FASTKD5: variants seen among roughly 807,000 people sequenced by gnomAD.
FASTKD5 encodes FAST kinase domains 5.
A neutral mutation model predicts 44.0 loss-of-function variants in FASTKD5; 30 were observed. The ratio of observed to expected loss-of-function variants is 0.68; its 90% CI spans 0.51 to 0.93. The LOEUF (loss-of-function observed/expected upper bound fraction) is 0.93, where lower values mean the gene tolerates loss of function less well. Ranked by LOEUF, FASTKD5 falls within the 40% of genes least tolerant of loss-of-function variation. FASTKD5 has a pLI of 0.00. For synonymous variants in FASTKD5, 335 were observed against 342.2 expected (o/e 0.98, Z 0.23); for missense variants, 868 against 908.2 (o/e 0.96, Z 0.57).
rs561643989 is a variant in FASTKD5 at position 3,159,128 on chromosome 20, G to A, written c.-191+638C>T. On this transcript the variant is annotated intron_variant, in intron 1 of 1. Coordinates refer to ENST00000380266, the MANE Select transcript of FASTKD5 (RefSeq NM_021826.5). ...CACGGTTTGCACAGAAAGAGAAAGA[G>A]CAACTATTCTTACCCACGGAAAGAA... Among the ~76,000 whole-genome samples the A allele has an allele frequency of 1.3e-5, 2 of 152,284 alleles. 1 individual carries two copies. Among genetic ancestry groups the A allele is most frequent in the African/African-American group, 4.8e-5 (2 of 41,542 alleles).
chr20:3,147,620 T>C lies in FASTKD5; in HGVS notation c.1451A>G (p.Tyr484Cys). 6.2e-7 allele frequency: 1 copy of C among 1,614,216 alleles called. No homozygotes were observed. The highest frequency in any genetic ancestry group is 2.2e-5 in the East Asian group (1 of 44,892). ...GAAATCAATTAACTCTACTGGAAAGTACTCCAAAAATGCCAGGCCCAGCAG... is the reference window on the plus strand; with the variant it reads ...GAAATCAATTAACTCTACTGGAAAGCACTCCAAAAATGCCAGGCCCAGCAG... ...TCLLGLAFLEYFPVELIDFAL... is the reference protein window; with the variant it reads ...TCLLGLAFLECFPVELIDFAL... Residue 484 changes from tyrosine to cysteine, a missense_variant, in exon 2 of 2, where the codon TAC becomes TGC. Physicochemically the swap from Tyr to Cys is radical, Grantham distance 194. Transcript: ENST00000380266.
Position 3,147,373 on chromosome 20 carries a change from C to T in FASTKD5, c.1698G>A (p.Leu566=). The T allele has an allele frequency of 1.2e-6, 2 of 1,614,188 alleles. No individual in the cohort carries two copies. Among genetic ancestry groups the T allele is most frequent in the Non-Finnish European group, 8.5e-7 (1 of 1,180,040 alleles). ...ACTGGGGCCCCCCCAGCATGGTCTC[C>T]AGTAAAAAGACAGTTTCTAAGAATT... ...KPEFLETVFL[L]ETMLGGPQYV... Residue 566 remains leucine (L), a synonymous_variant, in exon 2 of 2, where the codon CTG becomes CTA. Coordinates refer to ENST00000380266, the MANE Select transcript of FASTKD5 (RefSeq NM_021826.5).
rs186856060 is a variant in FASTKD5 at position 3,158,631 on chromosome 20, C to T, written c.-191+1135G>A. On this transcript the variant is annotated intron_variant, in intron 1 of 1. Coordinates refer to ENST00000380266, the MANE Select transcript of FASTKD5 (RefSeq NM_021826.5). Reference sequence around the variant, plus strand: ...CTGGGACTACAGGCGCCCGCCACCACGCCCAGCTATTTTTTTGTATTTTTA... The same window carrying T: ...CTGGGACTACAGGCGCCCGCCACCATGCCCAGCTATTTTTTTGTATTTTTA... Among the ~76,000 whole-genome samples the T allele has an allele frequency of 6.8e-3, 1,029 of 152,278 alleles. 9 individuals are homozygous for T. The highest frequency in any genetic ancestry group is 0.011 in the Non-Finnish European group (719 of 68,022).
In FASTKD5 at chr20:3,148,312, G is replaced by C; in HGVS notation, c.759C>G (p.Tyr253Ter). Reference sequence around the variant, plus strand: ...AAAACCTAGGTACTTTGCGGCCTAAGTACCTCCAGAGATCAGCCACCAAAA... The same window carrying C: ...AAAACCTAGGTACTTTGCGGCCTAACTACCTCCAGAGATCAGCCACCAAAA... ...QLLLVADLWR[Y>*]LGRKVPRFLN... The change falls in exon 2 of 2, where the codon TAC becomes TAG. Residue 253 changes from tyrosine to a stop codon, truncating the protein, a stop_gained. Coordinates refer to ENST00000380266, the MANE Select transcript of FASTKD5 (RefSeq NM_021826.5). LOFTEE classifies it high-confidence loss of function. The C allele has an allele frequency of 1.2e-6, 2 of 1,613,790 alleles. No individual in the cohort carries two copies. Among genetic ancestry groups the C allele is most frequent in the Non-Finnish European group, 1.7e-6 (2 of 1,179,972 alleles).
Position 3,146,711 on chromosome 20 carries a change from C to T in FASTKD5, c.*65G>A. On this transcript the variant is annotated 3_prime_UTR_variant, in exon 2 of 2. Transcript: ENST00000380266. ...AAACTTACATTCTGGCTTTTATAAT[C>T]ATTTTGCAACACCTGGTACAGTATA... 6.6e-7 allele frequency: 1 copy of T among 1,515,098 alleles called. No individual in the cohort carries two copies. The highest frequency in any genetic ancestry group is 8.9e-7 in the Non-Finnish European group (1 of 1,129,328). The allele number at this position is 1,515,098 out of a possible 1,614,324, so 93.9% of individuals were successfully genotyped here.
At position 3,148,650 on chromosome 20, in the gene FASTKD5, C is replaced by T; in HGVS notation, c.421G>A (p.Val141Ile). 1 of 1,614,168 alleles carries T rather than the reference C, an allele frequency of 6.2e-7. No individual in the cohort carries two copies. Among genetic ancestry groups the T allele is most frequent in the South Asian group, 1.1e-5 (1 of 91,082 alleles). Reference protein sequence around the residue: ...NASETSQLLSVSEGELILHKV... With the variant: ...NASETSQLLSISEGELILHKV... ...TGCAAAATTAGTTCACCTTCTGAAA[C>T]AGACAGGAGCTGAGAAGTCTCAGAT... The change falls in exon 2 of 2, where the codon GTT (valine) becomes ATT (isoleucine). Residue 141 changes from valine (V) to isoleucine (I), a missense_variant. Transcript: ENST00000380266.
intron 1 of FASTKD5, among the ~76,000 whole-genome samples, chr20:3,155,103 G>C (rs923673937): frequency 6.6e-6 from 1 of 150,682 alleles, no homozygotes; most frequent in African/African-American, 2.4e-5. Flanking sequence ...AATAAATATA[G>C]TGATGGCCAG....
At chr20:3,155,317 G>T (rs755619314) in intron 1 of FASTKD5, among the ~76,000 whole-genome samples, 5 of 152,156 alleles carry the variant, frequency 3.3e-5, no homozygotes, top group Non-Finnish European at 7.3e-5. Flanking sequence ...ATCACCTGAG[G>T]TCAGGAGTTT....
At chr20:3,154,349 T>C (rs1017604032) in intron 1 of FASTKD5, among the ~76,000 whole-genome samples, 1 of 152,180 alleles carries the variant, frequency 6.6e-6, no homozygotes, top group Non-Finnish European at 1.5e-5. Context: ...ACAAAAATTA[T>C]TAATGCCAGG....
At chr20:3,156,680 T>G (rs2066689737) in intron 1 of FASTKD5, 1 of 152,278 alleles carries the variant, frequency 6.6e-6, no homozygotes, top group Non-Finnish European at 1.5e-5. Context: ...CTGAAGAATC[T>G]TACCTTTCTC....
chr20:3,158,621 C>T (rs1390787635), intron 1 of FASTKD5, among the ~76,000 whole-genome samples: 1 of 152,136 alleles, frequency 6.6e-6, no homozygotes, highest in South Asian at 2.1e-4. Context: ...ACTACAGGCG[C>T]CCGCCACCAC....
rs1246657987 is a variant in FASTKD5 at position 3,149,943 on chromosome 20, C to T, written c.-190-683G>A. 1.3e-5 allele frequency among the ~76,000 whole-genome samples: 2 copies of T among 150,628 alleles called. No homozygotes were observed. Among genetic ancestry groups the T allele is most frequent in the Non-Finnish European group, 2.9e-5 (2 of 67,872 alleles). On this transcript the variant is annotated intron_variant, in intron 1 of 1. Coordinates refer to ENST00000380266, the MANE Select transcript of FASTKD5 (RefSeq NM_021826.5). This position sits in a 1 kb window ranked among gnomAD's most constrained non-coding sequence, Gnocchi z 4.1. Reference sequence around the variant, plus strand: ...CTGAGGCAGGAGAATCCCTTGAACCCAGGAGGCAGAGGTTGCGGTGAGCCA... The same window carrying T: ...CTGAGGCAGGAGAATCCCTTGAACCTAGGAGGCAGAGGTTGCGGTGAGCCA...
intron 1 of FASTKD5, among the ~76,000 whole-genome samples, chr20:3,155,117 CAGTG>C (rs372400699): frequency 1.3e-5 from 2 of 151,300 alleles, no homozygotes; most frequent in African/African-American, 4.9e-5. Flanking sequence ...TGGCCAGGAT[CAGTG>C]AGTGGCTCAC....
chr20:3,148,981 G>A lies in FASTKD5; in HGVS notation c.90C>T (p.Tyr30=), dbSNP rs143442390. 6.8e-6 allele frequency: 11 copies of A among 1,614,082 alleles called. No individual in the cohort carries two copies. The African/African-American group carries it at 1.5e-4, about 22-fold the overall frequency. The change falls in exon 2 of 2, where the codon TAC becomes TAT. Residue 30 remains tyrosine, a synonymous_variant. Transcript: ENST00000380266. ...SAFGAVRSVS[Y]WNVSSTQHGG... The stretch of plus-strand genomic sequence containing the variant: ...CATGCTGTGTGCTGCTCACATTCCA[G>A]TATGACACACTTCGGACTGCACCAA...
chr20:3,155,989 T>C (rs1018015324), intron 1 of FASTKD5, among the ~76,000 whole-genome samples: 2 of 152,192 alleles, frequency 1.3e-5, no homozygotes, highest in African/African-American at 4.8e-5. Context: ...ACAAGGAAGA[T>C]ACAGAAGCAG....
rs2066672248 is a variant in FASTKD5 at position 3,155,227 on chromosome 20, C to A, written c.-191+4539G>T. Among the ~76,000 whole-genome samples the A allele has an allele frequency of 2.0e-5, 3 of 151,956 alleles. No homozygotes were observed. In the South Asian group the frequency reaches 6.3e-4, roughly 32 times the overall value. On this transcript the variant is annotated intron_variant, in intron 1 of 1. Transcript: ENST00000380266. ...TGGGTAACATGGTGAAACCCTGTCT[C>A]TACTAAAAATACAAAAAGTAGGCTG...
chr20:3,150,389 CTTAGCAATGTTTCCAGTGAGTCT>C (rs889631136), intron 1 of FASTKD5: 6 of 152,176 alleles, frequency 3.9e-5, no homozygotes, highest in Non-Finnish European at 8.8e-5. Context: ...GAGAAGGCAG[CTTAGCAATGTTTCCAGTGAGTCT>C]TTATTCTGCC....
At position 3,148,533 on chromosome 20, in the gene FASTKD5, C is replaced by A; in HGVS notation, c.538G>T (p.Val180Phe). The change falls in exon 2 of 2, where the codon GTC (valine) becomes TTC (phenylalanine). Residue 180 changes from valine to phenylalanine, a missense_variant. Physicochemically the swap from Val to Phe is conservative, Grantham distance 50. Coordinates refer to ENST00000380266, the MANE Select transcript of FASTKD5 (RefSeq NM_021826.5). Reference sequence around the variant, plus strand: ...GCAAAGCTGGTACTGCCCAGCAAGACAGGATGCTGCTCTGCAGGCAAAGAG... The same window carrying A: ...GCAAAGCTGGTACTGCCCAGCAAGAAAGGATGCTGCTCTGCAGGCAAAGAG... ...LSSLPAEQHP[V>F]LLGSTSFALL... The A allele has an allele frequency of 6.2e-7, 1 of 1,614,168 alleles. No homozygotes were observed. The highest frequency in any genetic ancestry group is 8.5e-7 in the Non-Finnish European group (1 of 1,180,038).
In FASTKD5 at chr20:3,148,321, G is replaced by T; in HGVS notation, c.750C>A (p.Leu250=). The T allele has an allele frequency of 6.2e-7, 1 of 1,613,960 alleles. No homozygotes were observed. The highest frequency in any genetic ancestry group is 1.6e-4 in the Middle Eastern group (1 of 6,062). Residue 250 remains leucine, a synonymous_variant, in exon 2 of 2, where the codon CTC becomes CTA. Transcript: ENST00000380266. ...GTACTTTGCGGCCTAAGTACCTCCA[G>T]AGATCAGCCACCAAAAGGAGCTGAT... The part of the protein sequence containing the change: ...NMDQLLLVAD[L]WRYLGRKVPR...
Sources: allele counts gnomAD v4.1 joint callset (sites outside exome capture counted in the v4.1 genomes callset), GRCh38; gene constraint gnomAD v4.1.1; non-coding constraint Gnocchi (gnomAD v3.1); transcripts MANE v1.5; gene names NCBI Gene and HGNC (gene_info 2026-07-23, HGNC 2026-07-21).